The following PHF24 variants were observed in gnomAD, a reference collection of about 807,000 sequenced individuals.
PHF24 encodes Galpha inhibitory interacting protein.
Under a neutral mutation model 42.6 loss-of-function variants are expected in PHF24, and 25 were observed. That is an observed-to-expected ratio of 0.59 (90% CI 0.43 to 0.82). PHF24 has a LOEUF of 0.82. Ranked by LOEUF, PHF24 falls within the 40% of genes least tolerant of loss-of-function variation. PHF24 has a pLI of 0.00. For synonymous variants in PHF24, 185 were observed against 204.8 expected (o/e 0.90, Z 0.83); for missense variants, 470 against 538.1 (o/e 0.87, Z 1.25).
the PHF24 span, among the ~76,000 whole-genome samples, chr9:34,848,728 A>G: frequency 0.46 from 69,003 of 150,834 alleles, 16,683 homozygotes; most frequent in East Asian, 0.66. Context: ...GCTTTCTCTT[A>G]TGGGCATTTA....
chr9:34,977,768 G>C, intron 7 of PHF24, 127 bp downstream of exon 7: 1 of 862,942 alleles, frequency 1.2e-6, no homozygotes, highest in South Asian at 1.6e-5. Context: ...CAGGCTCCAA[G>C]AGTGCACATT....
chr9:34,895,050 C>G, the PHF24 span: 1 of 398,526 alleles, frequency 2.5e-6, no homozygotes, highest in Non-Finnish European at 4.4e-6. Flanking sequence ...TCTTGATGTT[C>G]TATCTCCAGA....
chr9:34,765,478 C>T, the PHF24 span, among the ~76,000 whole-genome samples: 1 of 150,012 alleles, frequency 6.7e-6, no homozygotes, highest in Non-Finnish European at 1.5e-5. Flanking sequence ...CTCTTTTGAT[C>T]TTTGTTGGTT....
the PHF24 span, among the ~76,000 whole-genome samples, chr9:34,780,298 C>CTTTTTTTTTTTTTTTTTTTT: frequency 1.7e-4 from 11 of 63,844 alleles, no homozygotes; most frequent in East Asian, 3.2e-4. Flanking sequence ...TTCTTTTTTT[C>CTTTTTTTTTTTTTTTTTTTT]TTTTTTTTTT....
At chr9:34,872,776 C>T in the PHF24 span, among the ~76,000 whole-genome samples, 1 of 147,672 alleles carries the variant, frequency 6.8e-6, no homozygotes, top group South Asian at 2.2e-4. Context: ...CCTGAGGAAT[C>T]GCCACACTGA....
chr9:34,783,575 A>G, the PHF24 span, among the ~76,000 whole-genome samples: 1 of 152,244 alleles, frequency 6.6e-6, no homozygotes, highest in Non-Finnish European at 1.5e-5. Context: ...AAATCTGAAT[A>G]AATCAAATCT....
chr9:34,809,650 C>G, the PHF24 span, among the ~76,000 whole-genome samples: 3,676 of 152,242 alleles, frequency 0.024, 143 homozygotes, highest in African/African-American at 0.082. This position sits in a 1 kb window ranked among gnomAD's most constrained non-coding sequence, Gnocchi z 4.1. Context: ...CGAGAGAGCA[C>G]GAGGGCGAAA....
chr9:34,811,412 G>A, the PHF24 span, among the ~76,000 whole-genome samples: 2 of 152,144 alleles, frequency 1.3e-5, no homozygotes, highest in Admixed American at 6.5e-5. Context: ...CTCTGGAATG[G>A]GTAAGTCATG....
chr9:34,691,190 T>G, the PHF24 span: 2 of 1,571,728 alleles, frequency 1.3e-6, no homozygotes, highest in Non-Finnish European at 1.7e-6. Context: ...GCCAGCTGTC[T>G]GGGTGTGTGC....
the PHF24 span, among the ~76,000 whole-genome samples, chr9:34,942,121 C>G: frequency 3.3e-5 from 5 of 152,170 alleles, no homozygotes; most frequent in African/African-American, 1.2e-4. Flanking sequence ...TCTTTTCCTA[C>G]CACTGACATT....
chr9:34,849,668 C>T, the PHF24 span, among the ~76,000 whole-genome samples: 11 of 152,212 alleles, frequency 7.2e-5, no homozygotes, highest in East Asian at 1.9e-3. Flanking sequence ...TTATTTTGCT[C>T]GTTAGTTGAT....
At chr9:34,913,757 G>A in the PHF24 span, among the ~76,000 whole-genome samples, 1 of 152,026 alleles carries the variant, frequency 6.6e-6, no homozygotes. Flanking sequence ...GTACTCTCAG[G>A]GCACAGTAGG....
the PHF24 span, chr9:34,889,344 G>A: frequency 2.5e-6 from 1 of 398,714 alleles, no homozygotes; most frequent in Non-Finnish European, 4.4e-6. Flanking sequence ...ACTGAAGGGA[G>A]TGTTGCTAGA....
At chr9:34,913,990 C>T in the PHF24 span, among the ~76,000 whole-genome samples, 1 of 151,388 alleles carries the variant, frequency 6.6e-6, no homozygotes. Context: ...AGGTAGCTGC[C>T]ACCAAATCCT....
chr9:34,793,661 G>T, the PHF24 span, among the ~76,000 whole-genome samples: 8 of 152,248 alleles, frequency 5.3e-5, no homozygotes, highest in Middle Eastern at 3.4e-3. Flanking sequence ...AGAACAGAGA[G>T]AACTGGAGCA....
the PHF24 span, among the ~76,000 whole-genome samples, chr9:34,672,162 G>A: frequency 6.6e-6 from 1 of 151,712 alleles, no homozygotes; most frequent in East Asian, 1.9e-4. Context: ...CCCTTTTTGT[G>A]GTTCCTGTAG....
the PHF24 span, among the ~76,000 whole-genome samples, chr9:34,910,605 T>C: frequency 6.6e-6 from 1 of 152,208 alleles, no homozygotes; most frequent in Non-Finnish European, 1.5e-5. Context: ...GTAAATGTTT[T>C]TAAAGTCTAA....
the PHF24 span, among the ~76,000 whole-genome samples, chr9:34,789,667 G>A: frequency 6.6e-6 from 1 of 152,126 alleles, no homozygotes; most frequent in Non-Finnish European, 1.5e-5. Flanking sequence ...ATTGCATGCT[G>A]GGTTTCTTAT....
At chr9:34,886,676 C>T in the PHF24 span, among the ~76,000 whole-genome samples, 2 of 152,086 alleles carry the variant, frequency 1.3e-5, no homozygotes, top group Non-Finnish European at 2.9e-5. Context: ...AGAGACCAGT[C>T]CTTAGATCTC....
Sources: allele counts gnomAD v4.1 joint callset (sites outside exome capture counted in the v4.1 genomes callset), GRCh38; gene constraint gnomAD v4.1.1; non-coding constraint Gnocchi (gnomAD v3.1); transcripts MANE v1.5; gene names NCBI Gene and HGNC (gene_info 2026-07-23, HGNC 2026-07-21).